Variants in NALF1 observed in about 807,000 individuals in gnomAD.
The protein encoded by NALF1 is family with sequence similarity 155 member A.
A neutral mutation model predicts 48.4 loss-of-function variants in NALF1; 3 were observed. The observed-to-expected ratio is 0.06, with a 90% CI of 0.03 to 0.16. NALF1 has a LOEUF of 0.16. Ranked by LOEUF, NALF1 falls within the 10% of genes least tolerant of loss-of-function variation. The probability of loss-of-function intolerance (pLI) is 1.00; values close to 1 mark genes in which losing one functional copy is unlikely to be tolerated. For synonymous variants in NALF1, 262 were observed against 245.7 expected (o/e 1.07, Z -0.62); for missense variants, 526 against 571.5 (o/e 0.92, Z 0.81).
intron 1 of NALF1, among the ~76,000 whole-genome samples, chr13:107,454,753 A>G (rs1219242915): frequency 6.6e-6 from 1 of 152,142 alleles, no homozygotes; most frequent in Non-Finnish European, 1.5e-5. Flanking sequence ...TTCTACCTGA[A>G]ACCAGCTGCA....
At chr13:107,376,922 C>G (rs542936383) in intron 1 of NALF1, among the ~76,000 whole-genome samples, 5 of 152,330 alleles carry the variant, frequency 3.3e-5, no homozygotes, top group Admixed American at 3.3e-4. Flanking sequence ...TTCTGTGATT[C>G]TTCTGTCAAC....
intron 1 of NALF1, among the ~76,000 whole-genome samples, chr13:107,307,264 A>G (rs1881954424): frequency 6.6e-6 from 1 of 152,172 alleles, no homozygotes; most frequent in South Asian, 2.1e-4. Context: ...CCCAGTGTCC[A>G]CACTGCATAC....
chr13:107,856,544 T>C (rs1375868080), intron 1 of NALF1, among the ~76,000 whole-genome samples: 3 of 152,214 alleles, frequency 2.0e-5, no homozygotes, highest in African/African-American at 7.2e-5. Flanking sequence ...ATTTTTTAAA[T>C]TATTCTCACT....
intron 1 of NALF1, among the ~76,000 whole-genome samples, chr13:107,468,310 C>T (rs1885042025): frequency 6.6e-6 from 1 of 152,144 alleles, no homozygotes; most frequent in African/African-American, 2.4e-5. Flanking sequence ...AAGTTTGATT[C>T]CATTCAACAA....
At chr13:107,195,440 C>T (rs570941067) in intron 2 of NALF1, among the ~76,000 whole-genome samples, 13 of 152,258 alleles carry the variant, frequency 8.5e-5, no homozygotes, top group East Asian at 5.8e-4. Context: ...TCTTCCTTTG[C>T]GGAATAAGCT....
intron 1 of NALF1, among the ~76,000 whole-genome samples, chr13:107,310,373 G>A (rs545135324): frequency 2.2e-4 from 33 of 148,966 alleles, no homozygotes; most frequent in Non-Finnish European, 4.0e-4. Context: ...TCATGCCACT[G>A]CACTCCAGCC....
chr13:107,645,692 A>T (rs1017635132), intron 1 of NALF1, among the ~76,000 whole-genome samples: 3 of 149,998 alleles, frequency 2.0e-5, no homozygotes, highest in African/African-American at 7.3e-5. Flanking sequence ...AAAAAAAAAA[A>T]AAAAAAAAAA....
At chr13:107,185,919 A>T (rs1879161015) in intron 2 of NALF1, among the ~76,000 whole-genome samples, 1 of 152,108 alleles carries the variant, frequency 6.6e-6, no homozygotes, top group African/African-American at 2.4e-5. Flanking sequence ...CTGGAGTTTC[A>T]TTTACCTGTG....
chr13:107,272,791 C>T (rs1246675710), intron 1 of NALF1, among the ~76,000 whole-genome samples: 3 of 152,114 alleles, frequency 2.0e-5, no homozygotes, highest in Non-Finnish European at 4.4e-5. Context: ...AACTTTCAGG[C>T]AAGAAAACAA....
At chr13:107,657,434 T>C (rs992657966) in intron 1 of NALF1, among the ~76,000 whole-genome samples, 1 of 152,156 alleles carries the variant, frequency 6.6e-6, no homozygotes, top group African/African-American at 2.4e-5. Flanking sequence ...GTGCATATGT[T>C]TGCACGGGTG....
intron 2 of NALF1, among the ~76,000 whole-genome samples, chr13:107,204,719 T>A (rs1174485190): frequency 6.6e-6 from 1 of 152,210 alleles, no homozygotes; most frequent in Admixed American, 6.5e-5. Flanking sequence ...TCTCATTTTT[T>A]AAATTTTATT....
intron 1 of NALF1, among the ~76,000 whole-genome samples, chr13:107,363,138 T>C (rs1296792465): frequency 6.6e-6 from 1 of 152,232 alleles, no homozygotes; most frequent in Non-Finnish European, 1.5e-5. Context: ...TCATTTCTAT[T>C]GAAACTATCA....
chr13:107,612,103 A>AGAGAGGGGAGGGGGG (rs1879243339), intron 1 of NALF1, among the ~76,000 whole-genome samples: 7 of 22,920 alleles, frequency 3.1e-4, no homozygotes, highest in African/African-American at 4.1e-4. Flanking sequence ...GGGGAGGGGG[A>AGAGAGGGGAGGGGGG]GGGAGGAAGG....
chr13:107,417,499 G>A (rs778440477), intron 1 of NALF1, among the ~76,000 whole-genome samples: 5 of 149,618 alleles, frequency 3.3e-5, no homozygotes, highest in Non-Finnish European at 6.0e-5. Flanking sequence ...ATATTTGTTT[G>A]TGGAATACAT....
At chr13:107,174,953 G>C (rs956147683) in intron 2 of NALF1, among the ~76,000 whole-genome samples, 1 of 149,714 alleles carries the variant, frequency 6.7e-6, no homozygotes, top group South Asian at 2.1e-4. Flanking sequence ...GCGCGATCTC[G>C]GCTCACTGCA....
intron 1 of NALF1, among the ~76,000 whole-genome samples, chr13:107,734,407 A>T (rs112677553): frequency 6.8e-6 from 1 of 146,494 alleles, no homozygotes; most frequent in East Asian, 2.0e-4. Context: ...CCTTTAAAAA[A>T]AAACACACAC....
chr13:107,422,218 C>T (rs1884200677), intron 1 of NALF1, among the ~76,000 whole-genome samples: 1 of 152,188 alleles, frequency 6.6e-6, no homozygotes, highest in Non-Finnish European at 1.5e-5. Context: ...GTATTATTCT[C>T]CCTGTTAGGA....
intron 1 of NALF1, among the ~76,000 whole-genome samples, chr13:107,491,386 A>C (rs1875101344): frequency 6.6e-6 from 1 of 152,196 alleles, no homozygotes; most frequent in Non-Finnish European, 1.5e-5. Flanking sequence ...GAGACGACAC[A>C]GTTTTCAGAA....
At chr13:107,653,772 C>T (rs927754371) in intron 1 of NALF1, among the ~76,000 whole-genome samples, 2 of 151,860 alleles carry the variant, frequency 1.3e-5, no homozygotes, top group Non-Finnish European at 2.9e-5. Context: ...TCATAGGGCT[C>T]CCCATCTCAC....
Sources: allele counts gnomAD v4.1 joint callset (sites outside exome capture counted in the v4.1 genomes callset), GRCh38; gene constraint gnomAD v4.1.1; transcripts MANE v1.5; gene names NCBI Gene and HGNC (gene_info 2026-07-23, HGNC 2026-07-21).